AGAP1: variants seen among roughly 807,000 people sequenced by gnomAD.
AGAP1 encodes arf-GAP with GTPase, ANK repeat and PH domain-containing protein 1.
In AGAP1, 29 loss-of-function variants were observed where a neutral mutation model predicts 105.3. That is an observed-to-expected ratio of 0.28 (90% confidence interval 0.21 to 0.38). AGAP1 has a LOEUF of 0.38. Ranked by LOEUF, AGAP1 falls within the 10% of genes least tolerant of loss-of-function variation. The probability of loss-of-function intolerance (pLI) is 1.00; values close to 1 mark genes in which losing one functional copy is unlikely to be tolerated. For missense variants in AGAP1, 998 were observed against 1,165.1 expected (o/e 0.86, Z 2.09); for synonymous variants, 509 against 485.9 (o/e 1.05, Z -0.63).
chr2:235,669,281 A>G (rs1442179679), intron 1 of AGAP1, among the ~76,000 whole-genome samples: 1 of 152,168 alleles, frequency 6.6e-6, no homozygotes, highest in Admixed American at 6.5e-5. Context: ...TTTTTTAAAC[A>G]AGTCACATGA....
intron 1 of AGAP1, among the ~76,000 whole-genome samples, chr2:235,563,726 G>C (rs999504646): frequency 3.9e-5 from 6 of 152,164 alleles, no homozygotes; most frequent in African/African-American, 1.4e-4. Flanking sequence ...GGCTTGGGAA[G>C]GGGCCTCTGC....
chr2:235,915,668 G>A (rs6431407), intron 11 of AGAP1, among the ~76,000 whole-genome samples: 117,380 of 151,506 alleles, frequency 0.77, 45,560 homozygotes, highest in East Asian at 0.98. Context: ...AGTGAGGCCT[G>A]TGTCAAAAAA....
At chr2:235,841,892 G>A (rs957994476) in intron 9 of AGAP1, among the ~76,000 whole-genome samples, 13 of 152,092 alleles carry the variant, frequency 8.5e-5, no homozygotes, top group East Asian at 3.9e-4. Flanking sequence ...CCCGTATCCT[G>A]CTGCTCTCTC....
At chr2:235,498,996 T>G (rs1026001560) in intron 1 of AGAP1, among the ~76,000 whole-genome samples, 1 of 152,230 alleles carries the variant, frequency 6.6e-6, no homozygotes, top group Non-Finnish European at 1.5e-5. Context: ...ATGATACAGC[T>G]GCTCTGTTGA....
chr2:235,502,818 C>T (rs1228502441), intron 1 of AGAP1, among the ~76,000 whole-genome samples: 3 of 150,388 alleles, frequency 2.0e-5, no homozygotes, highest in Non-Finnish European at 2.9e-5. Context: ...GAAATGTCAG[C>T]ATTCAACAGG....
At chr2:235,567,298 C>T (rs888079332) in intron 1 of AGAP1, among the ~76,000 whole-genome samples, 3 of 152,210 alleles carry the variant, frequency 2.0e-5, no homozygotes, top group African/African-American at 4.8e-5. Context: ...AAAGGCGGAG[C>T]GGTGTTTGTT....
intron 1 of AGAP1, among the ~76,000 whole-genome samples, chr2:235,532,522 G>T (rs762626691): frequency 2.0e-5 from 3 of 152,172 alleles, no homozygotes; most frequent in African/African-American, 4.8e-5. Context: ...TGTGTTTTAC[G>T]AGGGTTGTAT....
intron 9 of AGAP1, among the ~76,000 whole-genome samples, chr2:235,831,125 T>G (rs957915738): frequency 4.6e-5 from 7 of 151,556 alleles, no homozygotes; most frequent in Admixed American, 4.6e-4. Context: ...TGACAGCTGT[T>G]AGGGAATCAC....
At chr2:235,506,696 T>G (rs1457522557) in intron 1 of AGAP1, among the ~76,000 whole-genome samples, 1 of 152,166 alleles carries the variant, frequency 6.6e-6, no homozygotes, top group Non-Finnish European at 1.5e-5. Flanking sequence ...GCCGGGTCTG[T>G]ATGGGCAGGG....
chr2:235,813,927 A>C (rs1958302407), intron 9 of AGAP1, among the ~76,000 whole-genome samples: 1 of 152,124 alleles, frequency 6.6e-6, no homozygotes, highest in Non-Finnish European at 1.5e-5. Context: ...GAGTCGGGCC[A>C]CTCAGTGGCC....
rs1027807508 is a variant in AGAP1 at position 235,889,747 on chromosome 2, G to A, written c.1155+6298G>A. On this transcript the variant is annotated intron_variant, in intron 10 of 17. Transcript: ENST00000304032. The surrounding 1 kb of genome is among the most constrained non-coding windows in gnomAD (Gnocchi z 4.6). ...ACCTTTTTCTCCAGGTCTGTTTCATGTTGTTGAAAACCTCAAACCTTTTTC... is the reference window on the plus strand; with the variant it reads ...ACCTTTTTCTCCAGGTCTGTTTCATATTGTTGAAAACCTCAAACCTTTTTC... Among the ~76,000 whole-genome samples the A allele has an allele frequency of 2.0e-5, 3 of 152,084 alleles. No homozygotes were observed. Among genetic ancestry groups the A allele is most frequent in the Admixed American group, 6.5e-5 (1 of 15,280 alleles).
chr2:236,063,067 G>A (rs1354323065), intron 16 of AGAP1, among the ~76,000 whole-genome samples: 3 of 151,810 alleles, frequency 2.0e-5, no homozygotes, highest in Admixed American at 6.6e-5. Context: ...GGATTACAGG[G>A]GTGAGGCACT....
chr2:235,638,793 C>T (rs1006864697), intron 1 of AGAP1, among the ~76,000 whole-genome samples: 9 of 152,320 alleles, frequency 5.9e-5, no homozygotes, highest in Non-Finnish European at 1.3e-4. Flanking sequence ...TGGTTACAAC[C>T]CAGGCGGAGG....
At chr2:235,588,333 T>C (rs1945198688) in intron 1 of AGAP1, among the ~76,000 whole-genome samples, 1 of 151,922 alleles carries the variant, frequency 6.6e-6, no homozygotes, top group African/African-American at 2.4e-5. Flanking sequence ...GGGGATAAAA[T>C]ACCAGAACAA....
chr2:235,762,026 T>C (rs1954483761), intron 6 of AGAP1, among the ~76,000 whole-genome samples: 1 of 151,310 alleles, frequency 6.6e-6, no homozygotes, highest in African/African-American at 2.4e-5. Context: ...GGAGAATCGA[T>C]TGAACCCAGG....
At chr2:235,657,830 A>T (rs1284848193) in intron 1 of AGAP1, among the ~76,000 whole-genome samples, 1 of 152,218 alleles carries the variant, frequency 6.6e-6, no homozygotes, top group East Asian at 1.9e-4. Flanking sequence ...GATTGAGTCA[A>T]AATGAGGTCA....
chr2:236,033,613 T>C (rs895377446), intron 13 of AGAP1, among the ~76,000 whole-genome samples: 4 of 152,242 alleles, frequency 2.6e-5, no homozygotes, highest in African/African-American at 9.6e-5. Context: ...CCTGAGTGTG[T>C]GCCCGTCCTC....
chr2:235,849,759 A>C (rs539805922), intron 9 of AGAP1, among the ~76,000 whole-genome samples: 1 of 152,200 alleles, frequency 6.6e-6, no homozygotes, highest in African/African-American at 2.4e-5. Context: ...TCACTTCTCC[A>C]GGACAGATGG....
intron 3 of AGAP1, among the ~76,000 whole-genome samples, chr2:235,730,552 G>T (rs1023776682): frequency 6.7e-6 from 1 of 149,422 alleles, no homozygotes; most frequent in African/African-American, 2.5e-5. Context: ...TGCCATCATA[G>T]CCCACTATAC....
Sources: allele counts gnomAD v4.1 joint callset (sites outside exome capture counted in the v4.1 genomes callset), GRCh38; gene constraint gnomAD v4.1.1; non-coding constraint Gnocchi (gnomAD v3.1); transcripts MANE v1.5; gene names NCBI Gene and HGNC (gene_info 2026-07-23, HGNC 2026-07-21).